Variants in CAMK2A observed in about 807,000 individuals in gnomAD.
The protein encoded by CAMK2A is calcium/calmodulin dependent protein kinase II alpha.
A neutral mutation model predicts 79.2 loss-of-function variants in CAMK2A; 7 were observed. That is an observed-to-expected ratio of 0.09 (90% CI 0.05 to 0.17). The LOEUF is 0.17. Ranked by LOEUF, CAMK2A falls within the 10% of genes least tolerant of loss-of-function variation. The probability of loss-of-function intolerance (pLI) is 1.00; values close to 1 mark genes in which losing one functional copy is unlikely to be tolerated. For synonymous variants in CAMK2A, 242 were observed against 251.7 expected, an observed-to-expected ratio of 0.96 and a Z score of 0.36; for missense variants, 214 against 646.4, an observed-to-expected ratio of 0.33 and a Z score of 7.25.
chr5:150,224,063 A>C (rs1335296676), intron 17 of CAMK2A, among the ~76,000 whole-genome samples: 1 of 152,198 alleles, frequency 6.6e-6, no homozygotes, highest in Non-Finnish European at 1.5e-5. Flanking sequence ...GGGACTTTCC[A>C]GCGTTAGGGA....
At chr5:150,283,688 T>G (rs914700814) in intron 1 of CAMK2A, among the ~76,000 whole-genome samples, 1 of 152,208 alleles carries the variant, frequency 6.6e-6, no homozygotes, top group African/African-American at 2.4e-5. Context: ...TCCAGTTGCA[T>G]GTAAATAATG....
chr5:150,273,013 G>A (rs1455471987), intron 2 of CAMK2A, 52 bp downstream of exon 2: 1 of 1,398,586 alleles, frequency 7.2e-7, no homozygotes, highest in Non-Finnish European at 1.0e-6. Flanking sequence ...GTACAGGTAA[G>A]GGGAGAGAGG....
At chr5:150,239,674 T>C (rs767299089) in intron 14 of CAMK2A, 30 bp downstream of exon 14, 11 of 1,611,466 alleles carry the variant, frequency 6.8e-6, no homozygotes, top group Non-Finnish European at 9.3e-6. Context: ...GCCCAGCATT[T>C]ACCGGCGTTA....
rs548922298 is a variant in CAMK2A at position 150,279,821 on chromosome 5, C to T, written c.63-6662G>A. Among the ~76,000 whole-genome samples, 12 of 152,324 alleles carry T rather than the reference C, an allele frequency of 7.9e-5. No individual in the cohort carries two copies. In the South Asian group the frequency reaches 1.0e-3, roughly 13 times the overall value. On this transcript the variant is annotated intron_variant, in intron 1 of 18. Transcript: ENST00000671881. ...CGGCGCATGGCTGAGAATGTGGGAA[C>T]GTGCTAATGGGCTGTGAAAAGCAAG...
intron 13 of CAMK2A, among the ~76,000 whole-genome samples, chr5:150,244,648 A>G (rs1315874695): frequency 3.3e-5 from 5 of 152,086 alleles, no homozygotes; most frequent in Non-Finnish European, 7.4e-5. Context: ...CTGAACCAGC[A>G]CCAGCAAGCC....
intron 17 of CAMK2A, among the ~76,000 whole-genome samples, chr5:150,225,007 A>G (rs1754521994): frequency 6.6e-6 from 1 of 151,826 alleles, no homozygotes; most frequent in South Asian, 2.1e-4. Flanking sequence ...CAAAAAATAC[A>G]AAAAAATAGC....
chr5:150,231,272 G>A, intron 16 of CAMK2A, 33 bp downstream of exon 16: 1 of 1,358,836 alleles, frequency 7.4e-7, no homozygotes, highest in Non-Finnish European at 1.0e-6. Flanking sequence ...AACAATCCAG[G>A]CAGGACATGC....
rs150111747 is a variant in CAMK2A at position 150,277,599 on chromosome 5, G to A, written c.63-4440C>T. The stretch of plus-strand genomic sequence containing the variant: ...AGGCTCCTCACTGAAGGTCCATGCC[G>A]TAGATGGGGTAGTGTGGGGACCCTG... On this transcript the variant is annotated intron_variant, in intron 1 of 18. Transcript: ENST00000671881. Among the ~76,000 whole-genome samples, 12 of 152,360 alleles carry A rather than the reference G, an allele frequency of 7.9e-5. No homozygotes were observed. The East Asian group carries it at 1.2e-3, about 15-fold the overall frequency.
Position 150,256,955 on chromosome 5 carries a change from GCCC to G in CAMK2A, c.273-127_273-125del, listed in dbSNP as rs1756085113. 1.3e-6 allele frequency: 1 copy of G among 748,688 alleles called. No individual in the cohort carries two copies. Among genetic ancestry groups the G allele is most frequent in the Non-Finnish European group, 2.2e-6 (1 of 463,968 alleles). 46.4% of individuals were successfully genotyped at this position (748,688 alleles called of 1,614,324 possible). A position where few individuals can be genotyped will look rare whatever the true frequency, so the allele number is the denominator to read the frequency against. The stretch of plus-strand genomic sequence containing the variant: ...CAGGACCTCAGCCACAAAAGGAGGG[GCCC>G]CAGGGTCACGGGGGTGTCCCCTGCT... On this transcript the variant is annotated intron_variant, in intron 4 of 18. Coordinates refer to ENST00000671881, the MANE Select transcript of CAMK2A (RefSeq NM_015981.4). This position sits in a 1 kb window ranked among gnomAD's most constrained non-coding sequence, Gnocchi z 4.6.
In CAMK2A at chr5:150,220,181, C is replaced by A. The variant is rs894801607; in HGVS notation, c.*2529G>T. The A allele has an allele frequency of 1.3e-5, 2 of 152,390 alleles. No homozygotes were observed. Among genetic ancestry groups the A allele is most frequent in the Non-Finnish European group, 2.9e-5 (2 of 68,076 alleles). The allele number at this position is 152,390 out of a possible 1,614,324, so 9.4% of individuals were successfully genotyped here. On this transcript the variant is annotated 3_prime_UTR_variant, in exon 19 of 19. Coordinates refer to ENST00000671881, the MANE Select transcript of CAMK2A (RefSeq NM_015981.4). ...ACCTCAGGCTCCTCCAGCTCAGTTT[C>A]CTCTGGCAGGGAAACCAAGCTCCAA...
At chr5:150,231,613 C>CA (rs34708614) in intron 15 of CAMK2A, among the ~76,000 whole-genome samples, 23,634 of 120,234 alleles carry the variant, frequency 0.2, 2,332 homozygotes, top group Admixed American at 0.25. Flanking sequence ...CCCAGAAAGG[C>CA]AAAAAAAAAA....
intron 13 of CAMK2A, among the ~76,000 whole-genome samples, chr5:150,244,951 CT>C (rs1361347135): frequency 6.6e-6 from 1 of 152,162 alleles, no homozygotes; most frequent in Non-Finnish European, 1.5e-5. Context: ...CCAGTCCCCC[CT>C]CTCCCATCTG....
At chr5:150,234,393 G>A (rs1467262356) in intron 15 of CAMK2A, among the ~76,000 whole-genome samples, 2 of 152,104 alleles carry the variant, frequency 1.3e-5, no homozygotes, top group East Asian at 3.9e-4. Flanking sequence ...CTTAATAGCT[G>A]TTCCCTTGGA....
intron 1 of CAMK2A, among the ~76,000 whole-genome samples, chr5:150,285,078 A>C (rs778718685): frequency 3.3e-5 from 5 of 152,164 alleles, no homozygotes; most frequent in Non-Finnish European, 5.9e-5. Flanking sequence ...GCAACATCAG[A>C]GTTTCCCTGC....
intron 2 of CAMK2A, among the ~76,000 whole-genome samples, chr5:150,270,459 G>C (rs1756701358): frequency 6.6e-6 from 1 of 152,190 alleles, no homozygotes; most frequent in South Asian, 2.1e-4. Flanking sequence ...AAGAGGCTGG[G>C]CAGGGTGGGC....
chr5:150,257,491 G>A, intron 4 of CAMK2A, 72 bp downstream of exon 4: 2 of 1,285,374 alleles, frequency 1.6e-6, no homozygotes, highest in Non-Finnish European at 2.2e-6. Context: ...CAGCCCAAGA[G>A]GTCCAGTGAG....
intron 1 of CAMK2A, among the ~76,000 whole-genome samples, chr5:150,285,430 C>T (rs905921650): frequency 6.6e-6 from 1 of 152,180 alleles, no homozygotes; most frequent in African/African-American, 2.4e-5. Context: ...CTCTCTCCAA[C>T]GTGACATTGT....
At position 150,221,043 on chromosome 5, in the gene CAMK2A, A is replaced by C; in HGVS notation, c.*1667T>G. 6.4e-6 allele frequency: 1 copy of C among 156,688 alleles called. No individual in the cohort carries two copies. Among genetic ancestry groups the C allele is most frequent in the Non-Finnish European group, 1.4e-5 (1 of 70,954 alleles). 9.7% of individuals were successfully genotyped at this position (156,688 alleles called of 1,614,324 possible). ...GAGGGGACAGTATCTCATGCTGGCA[A>C]AACACGGCCACACAGAGGCCAAAAG... On this transcript the variant is annotated 3_prime_UTR_variant, in exon 19 of 19. Coordinates refer to ENST00000671881, the MANE Select transcript of CAMK2A (RefSeq NM_015981.4).
At chr5:150,278,550 G>A (rs993316261) in intron 1 of CAMK2A, among the ~76,000 whole-genome samples, 7 of 152,094 alleles carry the variant, frequency 4.6e-5, no homozygotes, top group Non-Finnish European at 1.0e-4. Flanking sequence ...GACAGGGCAG[G>A]AGAGGCAACG....
Sources: allele counts gnomAD v4.1 joint callset (sites outside exome capture counted in the v4.1 genomes callset), GRCh38; gene constraint gnomAD v4.1.1; non-coding constraint Gnocchi (gnomAD v3.1); transcripts MANE v1.5; gene names NCBI Gene and HGNC (gene_info 2026-07-23, HGNC 2026-07-21).